The following PIGK variants were observed in gnomAD, a reference collection of about 807,000 sequenced individuals.
The protein encoded by PIGK is GPI-anchor transamidase.
A neutral mutation model predicts 50.6 loss-of-function variants in PIGK; 42 were observed. The observed-to-expected ratio is 0.83, with a 90% CI of 0.65 to 1.07. The LOEUF is 1.07. Ranked by LOEUF, PIGK falls within the 50% of genes least tolerant of loss-of-function variation. PIGK has a pLI of 0.00. For synonymous variants in PIGK, 151 were observed against 156.0 expected (o/e 0.97, Z 0.24); for missense variants, 448 against 488.7 (o/e 0.92, Z 0.78).
intron 3 of PIGK, among the ~76,000 whole-genome samples, chr1:77,174,624 T>C (rs905447080): frequency 1.7e-4 from 26 of 152,180 alleles, no homozygotes; most frequent in African/African-American, 6.0e-4. Context: ...AGAGAAAGCA[T>C]GCTCTTGGCC....
intron 9 of PIGK, among the ~76,000 whole-genome samples, chr1:77,123,263 G>T (rs976460613): frequency 6.6e-6 from 1 of 152,056 alleles, no homozygotes; most frequent in Non-Finnish European, 1.5e-5. Context: ...ACTTCCTTTT[G>T]CCTTTTCTGT....
At chr1:77,211,157 C>T (rs1656411223) in intron 1 of PIGK, among the ~76,000 whole-genome samples, 2 of 151,938 alleles carry the variant, frequency 1.3e-5, no homozygotes, top group South Asian at 4.1e-4. Context: ...AATCGTCTGT[C>T]TTTCCCAAAA....
At chr1:77,092,733 C>T (rs1209774876) in intron 10 of PIGK, among the ~76,000 whole-genome samples, 3 of 152,070 alleles carry the variant, frequency 2.0e-5, no homozygotes, top group Admixed American at 6.6e-5. Context: ...TCAAAGAGTC[C>T]TTCCCTGACT....
At chr1:77,151,286 A>G (rs563009147) in intron 9 of PIGK, among the ~76,000 whole-genome samples, 27 of 152,344 alleles carry the variant, frequency 1.8e-4, no homozygotes, top group African/African-American at 6.3e-4. Context: ...AGCATTCAAT[A>G]AAATTCAGCA....
chr1:77,216,034 C>T (rs1419249), intron 1 of PIGK, among the ~76,000 whole-genome samples: 25,954 of 151,954 alleles, frequency 0.17, 3,743 homozygotes, highest in African/African-American at 0.39. Flanking sequence ...TTTAGAGTAA[C>T]TATAGTAAAC....
At chr1:77,210,253 C>A (rs1322074939) in intron 2 of PIGK, among the ~76,000 whole-genome samples, 183 bp downstream of exon 2, 2 of 151,638 alleles carry the variant, frequency 1.3e-5, no homozygotes, top group Non-Finnish European at 2.9e-5. Flanking sequence ...ATTCTGAGGA[C>A]AAAGAATATT....
intron 9 of PIGK, among the ~76,000 whole-genome samples, chr1:77,146,613 C>T (rs1168401378): frequency 2.6e-5 from 4 of 151,904 alleles, no homozygotes; most frequent in African/African-American, 9.7e-5. Flanking sequence ...CTGGGCAACA[C>T]GGCGAAACCC....
At position 77,090,376 on chromosome 1, in the gene PIGK, T is replaced by C. The variant is rs1019967745; in HGVS notation, c.*1998A>G. On this transcript the variant is annotated 3_prime_UTR_variant, in exon 11 of 11. Coordinates refer to ENST00000370812, the MANE Select transcript of PIGK (RefSeq NM_005482.3). The stretch of plus-strand genomic sequence containing the variant: ...GGTTATAAGTGAAACATTTAACATA[T>C]TTTAAGCTTTTGGCTTTAACTATAT... The C allele has an allele frequency of 6.6e-6, 1 of 152,242 alleles. No individual in the cohort carries two copies. The highest frequency in any genetic ancestry group is 1.5e-5 in the Non-Finnish European group (1 of 68,036). The allele number at this position is 152,242 out of a possible 1,614,324, so 9.4% of individuals were successfully genotyped here.
At chr1:77,183,360 G>A (rs1303800341) in intron 3 of PIGK, among the ~76,000 whole-genome samples, 2 of 152,158 alleles carry the variant, frequency 1.3e-5, no homozygotes, top group African/African-American at 4.8e-5. Context: ...TTTGTCTGAG[G>A]AGATAAATCC....
intron 9 of PIGK, among the ~76,000 whole-genome samples, chr1:77,151,958 T>A (rs1654902327): frequency 6.6e-6 from 1 of 152,116 alleles, no homozygotes; most frequent in African/African-American, 2.4e-5. Context: ...CAATAATCTC[T>A]ATCAAAATTC....
intron 9 of PIGK, among the ~76,000 whole-genome samples, chr1:77,128,322 G>A (rs965560444): frequency 1.3e-4 from 20 of 152,090 alleles, no homozygotes; most frequent in African/African-American, 4.8e-4. Context: ...AGTCCAAAGA[G>A]AACTAAGGTT....
chr1:77,151,248 A>T (rs147880459), intron 9 of PIGK, among the ~76,000 whole-genome samples: 3 of 152,348 alleles, frequency 2.0e-5, no homozygotes, highest in Admixed American at 6.5e-5. Flanking sequence ...GACAAAATCC[A>T]TATGATAATT....
At chr1:77,123,940 G>C (rs1654164465) in intron 9 of PIGK, among the ~76,000 whole-genome samples, 1 of 151,774 alleles carries the variant, frequency 6.6e-6, no homozygotes, top group African/African-American at 2.4e-5. Context: ...AGGTCATTAG[G>C]GTTGATCCTA....
At chr1:77,180,695 GA>G (rs1279657541) in intron 3 of PIGK, among the ~76,000 whole-genome samples, 2 of 104,452 alleles carry the variant, frequency 1.9e-5, no homozygotes, top group Non-Finnish European at 3.5e-5. Flanking sequence ...GGAAAGGCAG[GA>G]CAACTAGAAG....
chr1:77,188,342 G>A lies in PIGK; in HGVS notation c.239+18298C>T, dbSNP rs181324254. ...GCTTATAAACAGCCCCCCCAGGTGC[G>A]CCTGTCTCTTATGTCGAAACTGCAG... On this transcript the variant is annotated intron_variant, in intron 3 of 10. Transcript: ENST00000370812. Among the ~76,000 whole-genome samples the A allele has an allele frequency of 4.5e-3, 689 of 152,196 alleles. 4 individuals are homozygous for A. The highest frequency in any genetic ancestry group is 0.013 in the South Asian group (61 of 4,818).
intron 9 of PIGK, among the ~76,000 whole-genome samples, chr1:77,145,293 G>A (rs1330529026): frequency 6.6e-6 from 1 of 151,560 alleles, no homozygotes; most frequent in East Asian, 1.9e-4. Flanking sequence ...TATAAATTTT[G>A]GAATCAGCTT....
intron 9 of PIGK, chr1:77,129,803 G>A (rs1654326737): frequency 6.6e-6 from 3 of 453,336 alleles, no homozygotes; most frequent in African/African-American, 6.1e-5. Context: ...TTATTTAGAA[G>A]TGGACTTGCT....
At chr1:77,149,909 T>TA (rs980350500) in intron 9 of PIGK, among the ~76,000 whole-genome samples, 1,680 of 146,144 alleles carry the variant, frequency 0.011, 25 homozygotes, top group African/African-American at 0.04. Flanking sequence ...TTTCTGACTA[T>TA]AAAAAAAAAA....
At chr1:77,138,067 C>T (rs140986145) in intron 9 of PIGK, among the ~76,000 whole-genome samples, 5 of 152,096 alleles carry the variant, frequency 3.3e-5, no homozygotes, top group Admixed American at 6.5e-5. Context: ...GTTCATATGC[C>T]CTGTATTGTC....
Sources: allele counts gnomAD v4.1 joint callset (sites outside exome capture counted in the v4.1 genomes callset), GRCh38; gene constraint gnomAD v4.1.1; transcripts MANE v1.5; gene names NCBI Gene and HGNC (gene_info 2026-07-23, HGNC 2026-07-21).